MAPK10: variants seen among roughly 807,000 people sequenced by gnomAD.
MAPK10 encodes the protein JNK3 alpha protein kinase.
A neutral mutation model predicts 59.3 loss-of-function variants in MAPK10; 25 were observed. The observed-to-expected ratio is 0.42, with a 90% CI of 0.31 to 0.59. The LOEUF is 0.59. Ranked by LOEUF, MAPK10 falls within the 20% of genes least tolerant of loss-of-function variation. MAPK10 has a pLI of 0.15. For synonymous variants in MAPK10, 190 were observed against 200.5 expected, an observed-to-expected ratio of 0.95 and a Z score of 0.44; for missense variants, 351 against 568.9, an observed-to-expected ratio of 0.62 and a Z score of 3.90.
chr4:86,444,644 G>A (rs899979618), intron 1 of MAPK10, among the ~76,000 whole-genome samples: 1 of 151,702 alleles, frequency 6.6e-6, no homozygotes, highest in Non-Finnish European at 1.5e-5. Flanking sequence ...CCTACAGAGT[G>A]GGATAAATAT....
rs537371111 is a variant in MAPK10 at position 86,480,295 on chromosome 4, T to G, written c.-263+113615A>C. On this transcript the variant is annotated intron_variant, in intron 1 of 4. Coordinates refer to the MAPK10 transcript ENST00000502302. ...CTCCTGGCTCATCCTGGCTCAAAAA[T>G]CTCCCCCACTGAGCACCCTGTGACC... Among the ~76,000 whole-genome samples, 10 of 149,518 alleles carry G rather than the reference T, an allele frequency of 6.7e-5. No individual in the cohort carries two copies. The South Asian group carries it at 1.3e-3, about 19-fold the overall frequency.
At chr4:86,076,228 G>A (rs994691195) in intron 9 of MAPK10, among the ~76,000 whole-genome samples, 1 of 152,198 alleles carries the variant, frequency 6.6e-6, no homozygotes, top group Non-Finnish European at 1.5e-5. Context: ...TCCCAGGTGA[G>A]GCAATGCCTC....
chr4:86,532,282 A>G (rs1430726743), intron 1 of MAPK10, among the ~76,000 whole-genome samples: 1 of 152,062 alleles, frequency 6.6e-6, no homozygotes, highest in East Asian at 1.9e-4. Flanking sequence ...TTCTCCTAGG[A>G]GATGGAGACA....
intron 3 of MAPK10, among the ~76,000 whole-genome samples, chr4:86,172,581 G>C (rs1472018778): frequency 1.3e-5 from 2 of 150,596 alleles, no homozygotes; most frequent in Non-Finnish European, 2.9e-5. Context: ...TTGTGGGGTG[G>C]GGGGAGTGGG....
At position 86,100,804 on chromosome 4, in the gene MAPK10, C is replaced by T. The variant is rs182542448; in HGVS notation, c.730+248G>A. The T allele has an allele frequency of 8.1e-6, 3 of 369,234 alleles. No individual in the cohort carries two copies. In the East Asian group the frequency reaches 1.4e-4, roughly 17 times the overall value. 22.9% of individuals were successfully genotyped at this position (369,234 alleles called of 1,614,324 possible). ...GCATCCGCTTGACTGTTTAATCAGA[C>T]TCCATTTACAATTCTTTTTCACTAT... On this transcript the variant is annotated intron_variant, in intron 8 of 13. Transcript: ENST00000641462.
chr4:86,225,878 A>G (rs1302533315), intron 2 of MAPK10, among the ~76,000 whole-genome samples: 1 of 152,186 alleles, frequency 6.6e-6, no homozygotes, highest in African/African-American at 2.4e-5. Context: ...TTCTAAGCCT[A>G]TCTCCCCTAA....
At chr4:86,161,242 AG>A (rs1325774860) in intron 3 of MAPK10, among the ~76,000 whole-genome samples, 2 of 152,092 alleles carry the variant, frequency 1.3e-5, no homozygotes, top group African/African-American at 2.4e-5. Flanking sequence ...CAATAATAAA[AG>A]TTCTGAAATC....
intron 1 of MAPK10, among the ~76,000 whole-genome samples, chr4:86,415,202 A>T (rs1024905083): frequency 1.5e-4 from 23 of 151,482 alleles, no homozygotes; most frequent in Admixed American, 5.3e-4. Context: ...TATACTCATC[A>T]TGTGGTGTTT....
intron 1 of MAPK10, among the ~76,000 whole-genome samples, chr4:86,355,813 T>C (rs1734150523): frequency 6.6e-6 from 1 of 152,174 alleles, no homozygotes; most frequent in South Asian, 2.1e-4. Flanking sequence ...CATTGCCAAA[T>C]AAACAGACCT....
intron 4 of MAPK10, among the ~76,000 whole-genome samples, chr4:86,155,252 T>A (rs2067430045): frequency 6.6e-6 from 1 of 152,036 alleles, no homozygotes; most frequent in Non-Finnish European, 1.5e-5. Flanking sequence ...GCAATTTATA[T>A]CTTAAATTGT....
intron 11 of MAPK10, among the ~76,000 whole-genome samples, chr4:86,048,817 A>AT (rs533569555): frequency 2.6e-5 from 4 of 152,216 alleles, no homozygotes. Flanking sequence ...AAATGTAATA[A>AT]TTTTTTTAAT....
intron 1 of MAPK10, among the ~76,000 whole-genome samples, chr4:86,510,560 TGC>T (rs1420757247): frequency 7.9e-4 from 120 of 152,134 alleles, no homozygotes; most frequent in South Asian, 1.2e-3. Context: ...TATATCTATA[TGC>T]ATGTATATAA....
chr4:86,043,687 T>C (rs2042004313), intron 11 of MAPK10, among the ~76,000 whole-genome samples: 1 of 152,152 alleles, frequency 6.6e-6, no homozygotes, highest in African/African-American at 2.4e-5. Flanking sequence ...GAGACCCACA[T>C]GCAGAAAACA....
chr4:86,519,545 G>A (rs891024108), intron 1 of MAPK10, among the ~76,000 whole-genome samples: 1 of 152,174 alleles, frequency 6.6e-6, no homozygotes, highest in African/African-American at 2.4e-5. Flanking sequence ...GAAGACAGCA[G>A]ATATTTGGTT....
At chr4:86,387,697 C>T (rs1051512751) in intron 1 of MAPK10, among the ~76,000 whole-genome samples, 7 of 151,812 alleles carry the variant, frequency 4.6e-5, no homozygotes, top group Non-Finnish European at 8.8e-5. Flanking sequence ...CCTTGTGTGG[C>T]AGAAGAAAAA....
intron 4 of MAPK10, among the ~76,000 whole-genome samples, chr4:86,132,947 T>C (rs1164871206): frequency 6.6e-6 from 1 of 152,154 alleles, no homozygotes; most frequent in African/African-American, 2.4e-5. Flanking sequence ...AAGTGCACAA[T>C]AAATGTAATG....
Position 86,499,092 on chromosome 4 carries a change from A to G in MAPK10, c.-263+94818T>C, listed in dbSNP as rs148031186. Among the ~76,000 whole-genome samples the G allele has an allele frequency of 1.4e-4, 22 of 152,354 alleles. No individual in the cohort carries two copies. In the East Asian group the frequency reaches 4.2e-3, roughly 29 times the overall value. On this transcript the variant is annotated intron_variant, in intron 1 of 4. Coordinates refer to the MAPK10 transcript ENST00000502302. ...ATCCTTTTGCGATTACAATTGTGTT[A>G]AATGAAATACTTCTTTCAAGCAAGT...
At chr4:86,398,732 G>GTTAGTTTTACAACCC (rs1743299280) in intron 1 of MAPK10, among the ~76,000 whole-genome samples, 1 of 152,120 alleles carries the variant, frequency 6.6e-6, no homozygotes, top group Non-Finnish European at 1.5e-5. Context: ...GCACCCAATA[G>GTTAGTTTTACAACCC]TTAGTTTTAC....
At chr4:86,483,549 TAATA>T (rs1465047116) in intron 1 of MAPK10, among the ~76,000 whole-genome samples, 2 of 151,606 alleles carry the variant, frequency 1.3e-5, no homozygotes, top group East Asian at 1.9e-4. Context: ...ACGCTATAAT[TAATA>T]AATAATAAAT....
Sources: allele counts gnomAD v4.1 joint callset (sites outside exome capture counted in the v4.1 genomes callset), GRCh38; gene constraint gnomAD v4.1.1; transcripts MANE v1.5; gene names NCBI Gene and HGNC (gene_info 2026-07-23, HGNC 2026-07-21).